The following MRPL16 variants were observed in gnomAD, a reference collection of about 807,000 sequenced individuals.
MRPL16 encodes the protein mitochondrial ribosomal protein L16.
MRPL16 carries 17 observed loss-of-function variants against 22.7 expected under a neutral mutation model. The observed-to-expected ratio is 0.75, with a 90% CI of 0.51 to 1.12. The LOEUF (loss-of-function observed/expected upper bound fraction) is 1.12. Ranked by LOEUF, MRPL16 falls within the 50% of genes most tolerant of loss-of-function variation. The pLI, the probability that MRPL16 is intolerant of heterozygous loss-of-function variation, is 0.00. For missense variants in MRPL16, 316 were observed against 328.7 expected (o/e 0.96, Z 0.30); for synonymous variants, 103 against 112.8 (o/e 0.91, Z 0.55).
chr11:59,806,512 C>A lies in MRPL16; in HGVS notation c.591G>T (p.Lys197Asn). The A allele has an allele frequency of 4.3e-6, 7 of 1,614,212 alleles. No homozygotes were observed. Among genetic ancestry groups the A allele is most frequent in the Non-Finnish European group, 5.9e-6 (7 of 1,180,044 alleles). Residue 197 changes from lysine (K) to asparagine (N), a missense_variant, in exon 4 of 4, where the codon AAG becomes AAT. Lys to Asn is a moderately conservative substitution (Grantham distance 94). Transcript: ENST00000300151. The stretch of plus-strand genomic sequence containing the variant: ...CTCTTTCCTCTTGATCTTTTCGCAT[C>A]TTCTCTAGAGTCCCGCGGCTCACAG... ...AKAVSRGTLE[K>N]MRKDQEERER...
chr11:59,810,067 G>A, intron 1 of MRPL16, 147 bp from the exon 2 acceptor site: 2 of 684,266 alleles, frequency 2.9e-6, no homozygotes, highest in Non-Finnish European at 4.5e-6. Context: ...GTGCAGTGGC[G>A]CGATCTCGGC....
rs1305009798 is a variant in MRPL16 at position 59,809,898 on chromosome 11, G to T, written c.78C>A (p.Ala26=). The change falls in exon 2 of 4, where the codon GCC becomes GCA. Residue 26 remains alanine (A), a synonymous_variant. Coordinates refer to ENST00000300151, the MANE Select transcript of MRPL16 (RefSeq NM_017840.4). ...GGAGCAGTGTCTTTACGCCAGCACT[G>T]GCGGGGAGGAGTGCCCAGGAATCTA... ...PLSDSWALLP[A]SAGVKTLLPV... is the part of the protein sequence containing the mutation. The T allele has an allele frequency of 6.2e-7, 1 of 1,613,318 alleles. No homozygotes were observed. The highest frequency in any genetic ancestry group is 1.3e-5 in the African/African-American group (1 of 74,886).
rs375335661 is a variant in MRPL16, at chr11:59,807,802, G to T, written c.169C>A (p.Pro57Thr). Residue 57 changes from proline to threonine, a missense_variant, in exon 3 of 4, where the codon CCA (proline) becomes ACA (threonine). Transcript: ENST00000300151. ...KPKLRFIERAPLVPKVRREPK... is the reference protein window; with the variant it reads ...KPKLRFIERATLVPKVRREPK... The stretch of plus-strand genomic sequence containing the variant: ...TCTCTTCTTACTTTTGGCACAAGTG[G>T]TGCCCTTTCAATAAATCTAAGCTTG... 2.4e-5 allele frequency: 39 copies of T among 1,612,872 alleles called. No homozygotes were observed. The highest frequency in any genetic ancestry group is 3.1e-5 in the Non-Finnish European group (37 of 1,179,510).
intron 2 of MRPL16, among the ~76,000 whole-genome samples, chr11:59,808,452 C>G (rs1373251236): frequency 6.6e-6 from 1 of 152,158 alleles, no homozygotes; most frequent in African/African-American, 2.4e-5. Context: ...AAAGTGAACA[C>G]ATGAACACAC....
Position 59,806,850 on chromosome 11 carries a change from A to T in MRPL16, c.271-18T>A, listed in dbSNP as rs1425387824. On this transcript the variant is annotated intron_variant, in intron 3 of 3. Coordinates refer to ENST00000300151, the MANE Select transcript of MRPL16 (RefSeq NM_017840.4). The stretch of plus-strand genomic sequence containing the variant: ...CCCAATGCCTAAAAGTGAATGGGAG[A>T]ATTAGAAACACATGCGGACTTCGAC... 6 of 1,596,996 alleles carry T rather than the reference A, an allele frequency of 3.8e-6. No individual in the cohort carries two copies. The highest frequency in any genetic ancestry group is 5.1e-6 in the Non-Finnish European group (6 of 1,166,874).
At chr11:59,809,594 C>T (rs1342043070) in intron 2 of MRPL16, 1 of 421,554 alleles carries the variant, frequency 2.4e-6, no homozygotes, top group African/African-American at 2.1e-5. Context: ...GACCATGGGA[C>T]ACACACCAGT....
chr11:59,810,248 A>C (rs1378138739), intron 1 of MRPL16: 5 of 1,168,986 alleles, frequency 4.3e-6, no homozygotes, highest in Non-Finnish European at 5.4e-6. Flanking sequence ...ACCTCAAGTG[A>C]TTCGCCCGCC....
intron 3 of MRPL16, 98 bp from the exon 4 acceptor site, chr11:59,806,930 C>A (rs148431353): frequency 1.9e-4 from 272 of 1,457,150 alleles, no homozygotes; most frequent in Non-Finnish European, 2.2e-4. Flanking sequence ...TTCAATGATA[C>A]AATTGAAAAT....
intron 3 of MRPL16, 115 bp downstream of exon 3, chr11:59,807,586 T>C: frequency 8.4e-7 from 1 of 1,195,666 alleles, no homozygotes. Context: ...AAAGAGCAAC[T>C]GGTGGCAGTT....
rs75230972 is a variant in MRPL16 at position 59,809,682 on chromosome 11, A to G, written c.121+173T>C. On this transcript the variant is annotated intron_variant, in intron 2 of 3. Coordinates refer to ENST00000300151, the MANE Select transcript of MRPL16 (RefSeq NM_017840.4). ...ACTTTTTTGGTTTCCTTTGTCTTTGATTTATTTCTAGTGCTCAGAATATTA... is the reference window on the plus strand; with the variant it reads ...ACTTTTTTGGTTTCCTTTGTCTTTGGTTTATTTCTAGTGCTCAGAATATTA... The G allele has an allele frequency of 1.9e-3, 1,268 of 679,664 alleles. 7 individuals are homozygous for G. In the African/African-American group the frequency reaches 0.022, roughly 12 times the overall value. The allele number at this position is 679,664 out of a possible 1,614,324, so 42.1% of individuals were successfully genotyped here. A position where few individuals can be genotyped will look rare whatever the true frequency, so the allele number is the denominator to read the frequency against.
rs377198187 is a variant in MRPL16 at position 59,808,041 on chromosome 11, C to T, written c.122-192G>A. ...TCAAGTGATTTTCCTGCCTTTACCT[C>T]CCAAAGTGTTGGGATTACAAGTGCG... On this transcript the variant is annotated intron_variant, in intron 2 of 3. Coordinates refer to ENST00000300151, the MANE Select transcript of MRPL16 (RefSeq NM_017840.4). Among the ~76,000 whole-genome samples, 28 of 152,296 alleles carry T rather than the reference C, an allele frequency of 1.8e-4. No homozygotes were observed. In the East Asian group the frequency reaches 2.1e-3, roughly 12 times the overall value.
chr11:59,809,924 C>T lies in MRPL16; in HGVS notation c.56-4G>A. 1 of 1,612,084 alleles carries T rather than the reference C, an allele frequency of 6.2e-7. No homozygotes were observed. Among genetic ancestry groups the T allele is most frequent in the Non-Finnish European group, 8.5e-7 (1 of 1,179,290 alleles). ...GCGGGGAGGAGTGCCCAGGAATCTA[C>T]AAAGACAAATCAAGTTAAACGACGA... On this transcript the variant is annotated splice_region_variant and splice_polypyrimidine_tract_variant and intron_variant, in intron 1 of 3. Coordinates refer to ENST00000300151, the MANE Select transcript of MRPL16 (RefSeq NM_017840.4).
chr11:59,806,249 C>A lies in MRPL16; in HGVS notation c.*98G>T. The A allele has an allele frequency of 1.4e-6, 2 of 1,389,978 alleles. No individual in the cohort carries two copies. The highest frequency in any genetic ancestry group is 2.0e-6 in the Non-Finnish European group (2 of 1,017,482). The allele number at this position is 1,389,978 out of a possible 1,614,324, so 86.1% of individuals were successfully genotyped here. On this transcript the variant is annotated 3_prime_UTR_variant, in exon 4 of 4. Coordinates refer to ENST00000300151, the MANE Select transcript of MRPL16 (RefSeq NM_017840.4). ...CTCAAATGCTGCTCCTTAGTTATGG[C>A]TTAAGAGCTACCCAAAGACTTCAGT...
At chr11:59,807,570 C>A in intron 3 of MRPL16, 131 bp downstream of exon 3, 1 of 1,001,024 alleles carries the variant, frequency 1.0e-6, no homozygotes, top group Non-Finnish European at 1.5e-6. Context: ...CTGTACATAC[C>A]AGTTTAAAGA....
At chr11:59,807,577 A>T (rs1866124564) in intron 3 of MRPL16, 124 bp downstream of exon 3, 1 of 1,118,944 alleles carries the variant, frequency 8.9e-7, no homozygotes, top group African/African-American at 1.6e-5. Context: ...TACCAGTTTA[A>T]AGAGCAACTG....
Position 59,806,483 on chromosome 11 carries a change from C to T in MRPL16, c.620G>A (p.Arg207His), listed in dbSNP as rs1011254109. Residue 207 changes from arginine (R) to histidine (H), a missense_variant, in exon 4 of 4, where the codon CGT becomes CAT. Transcript: ENST00000300151. ...KMRKDQEERERNNQNPWTFER... is the reference protein window; with the variant it reads ...KMRKDQEEREHNNQNPWTFER... Reference sequence around the variant, plus strand: ...AAATGTCCAGGGGTTCTGGTTGTTACGTTCTCTTTCCTCTTGATCTTTTCG... The same window carrying T: ...AAATGTCCAGGGGTTCTGGTTGTTATGTTCTCTTTCCTCTTGATCTTTTCG... 35 of 1,614,114 alleles carry T rather than the reference C, an allele frequency of 2.2e-5. No homozygotes were observed. The highest frequency in any genetic ancestry group is 1.8e-4 in the East Asian group (8 of 44,902).
At chr11:59,807,346 T>C in intron 3 of MRPL16, 1 of 185,292 alleles carries the variant, frequency 5.4e-6, no homozygotes, top group Non-Finnish European at 1.1e-5. Flanking sequence ...TGACATCAAG[T>C]CTTCATGGAA....
At chr11:59,807,219 G>A (rs1304654806) in intron 3 of MRPL16, 3 of 203,912 alleles carry the variant, frequency 1.5e-5, no homozygotes, top group Non-Finnish European at 3.0e-5. Context: ...GAGTGGGCAG[G>A]AGGTTCTGAG....
At chr11:59,809,037 A>G (rs372715454) in intron 2 of MRPL16, among the ~76,000 whole-genome samples, 72 of 152,378 alleles carry the variant, frequency 4.7e-4, no homozygotes, top group African/African-American at 1.6e-3. Context: ...CTCAACTTCT[A>G]TATGTAGCTA....
Sources: gnomAD v4.1 joint callset for allele counts (sites outside exome capture counted in the v4.1 genomes callset) on GRCh38, gnomAD v4.1.1 for gene constraint, MANE v1.5 for transcripts, NCBI Gene and HGNC (gene_info 2026-07-23, HGNC 2026-07-21) for gene names.